Variants in NXPE2 observed in about 807,000 individuals in gnomAD.
The protein encoded by NXPE2 is NXPE family member 2.
Under a neutral mutation model 34.4 loss-of-function variants are expected in NXPE2, and 34 were observed. The observed-to-expected ratio is 0.99, with a 90% CI of 0.75 to 1.31. NXPE2 has a LOEUF of 1.31. NXPE2 is among the 40% of genes most tolerant of loss of function. NXPE2 has a pLI of 0.00. For synonymous variants in NXPE2, 235 were observed against 231.3 expected (o/e 1.02, Z -0.15); for missense variants, 649 against 672.5 (o/e 0.97, Z 0.39).
At chr11:114,717,690 T>C in the NXPE2 span, among the ~76,000 whole-genome samples, 1 of 152,216 alleles carries the variant, frequency 6.6e-6, no homozygotes, top group Admixed American at 6.5e-5. Flanking sequence ...GTGAATACAC[T>C]ACACAGTTCC....
chr11:114,671,050 A>T, the NXPE2 span, among the ~76,000 whole-genome samples: 343 of 148,060 alleles, frequency 2.3e-3, 1 homozygote, highest in Admixed American at 8.5e-3. Flanking sequence ...TATATATATA[A>T]AAATATAAAT....
At chr11:114,616,703 C>T in the NXPE2 span, among the ~76,000 whole-genome samples, 1 of 151,772 alleles carries the variant, frequency 6.6e-6, no homozygotes, top group East Asian at 1.9e-4. Context: ...TCTGAAACCA[C>T]TGTTACCCAG....
At chr11:114,646,111 A>G in the NXPE2 span, among the ~76,000 whole-genome samples, 1 of 152,000 alleles carries the variant, frequency 6.6e-6, no homozygotes. Flanking sequence ...ATTTCTTAAT[A>G]TGTTTTCTCA....
At chr11:114,508,792 A>T in the NXPE2 span, among the ~76,000 whole-genome samples, 1 of 152,232 alleles carries the variant, frequency 6.6e-6, no homozygotes, top group Non-Finnish European at 1.5e-5. Flanking sequence ...AACTATAAAA[A>T]CATTAGAAGA....
At chr11:114,769,838 C>T in the NXPE2 span, among the ~76,000 whole-genome samples, 11 of 152,136 alleles carry the variant, frequency 7.2e-5, no homozygotes, top group African/African-American at 2.7e-4. Context: ...GAAGGGATAA[C>T]ATTAGGAGAA....
In NXPE2 at chr11:114,678,747, A is replaced by G. The variant is rs77452963; in HGVS notation, c.26+146A>G. The G allele has an allele frequency of 1.1e-4, 69 of 623,062 alleles. No homozygotes were observed. The African/African-American group carries it at 1.2e-3, about 11-fold the overall frequency. The allele number at this position is 623,062 out of a possible 1,614,324, so 38.6% of individuals were successfully genotyped here. ...TTATTTGGGCATAAAAATACTTTTA[A>G]AATGGAATACAATTCAATGGAATAA... On this transcript the variant is annotated intron_variant, in intron 1 of 5. Coordinates refer to ENST00000389586, the MANE Select transcript of NXPE2 (RefSeq NM_182495.6).
the NXPE2 span, among the ~76,000 whole-genome samples, chr11:114,602,446 AT>A: frequency 2.2e-5 from 3 of 134,318 alleles, no homozygotes; most frequent in Non-Finnish European, 4.6e-5. Flanking sequence ...AATATATAAT[AT>A]ATATTATAAA....
the NXPE2 span, chr11:114,580,192 A>G: frequency 2.4e-5 from 39 of 1,613,966 alleles, no homozygotes; most frequent in Non-Finnish European, 3.1e-5. Context: ...CCCATTAGGT[A>G]TATGAGTTTT....
intron 2 of NXPE2, among the ~76,000 whole-genome samples, 197 bp downstream of exon 2, chr11:114,679,959 CATT>C (rs762262828): frequency 1.3e-5 from 2 of 152,136 alleles, no homozygotes; most frequent in Admixed American, 1.3e-4. Context: ...GCAATGTATA[CATT>C]ATTATTGTTT....
At chr11:114,681,157 C>T (rs888568629) in intron 2 of NXPE2, among the ~76,000 whole-genome samples, 8 of 152,030 alleles carry the variant, frequency 5.3e-5, no homozygotes, top group Non-Finnish European at 1.0e-4. Context: ...TTCTTTAGAC[C>T]GATACTTTGT....
chr11:114,583,264 G>C, the NXPE2 span: 1 of 659,030 alleles, frequency 1.5e-6, no homozygotes, highest in East Asian at 2.9e-5. Flanking sequence ...TGGCGCAAAG[G>C]CAGGGCACCA....
the NXPE2 span, among the ~76,000 whole-genome samples, chr11:114,631,824 G>T: frequency 2.0e-5 from 3 of 151,478 alleles, no homozygotes; most frequent in South Asian, 6.2e-4. Context: ...TGCCTCATGG[G>T]TAACCGATGT....
At chr11:114,676,734 A>G (rs1950862052), upstream of NXPE2, among the ~76,000 whole-genome samples, 1 of 152,104 alleles carries the variant, frequency 6.6e-6, no homozygotes, top group Non-Finnish European at 1.5e-5. Flanking sequence ...ATACTGTATG[A>G]TCCAGCAATC....
At chr11:114,795,897 T>A in the NXPE2 span, among the ~76,000 whole-genome samples, 3,030 of 152,268 alleles carry the variant, frequency 0.02, 42 homozygotes, top group Non-Finnish European at 0.031. Flanking sequence ...TCACCGTGGG[T>A]AGAGGAGGAA....
chr11:114,744,290 C>T, the NXPE2 span, among the ~76,000 whole-genome samples: 1 of 152,182 alleles, frequency 6.6e-6, no homozygotes, highest in Non-Finnish European at 1.5e-5. Context: ...ATATTTCAAT[C>T]TTAGCCTTTG....
At chr11:114,513,954 A>C in the NXPE2 span, among the ~76,000 whole-genome samples, 1 of 152,218 alleles carries the variant, frequency 6.6e-6, no homozygotes, top group South Asian at 2.1e-4. Flanking sequence ...GAAGTGTGGA[A>C]ATAAATTTCT....
the NXPE2 span, among the ~76,000 whole-genome samples, chr11:114,667,942 G>C: frequency 1.3e-5 from 2 of 151,882 alleles, no homozygotes; most frequent in Non-Finnish European, 2.9e-5. Context: ...CACAGCAGTA[G>C]ATAACTAATA....
chr11:114,711,022 G>A (rs547862278), downstream of NXPE2, among the ~76,000 whole-genome samples: 37 of 152,120 alleles, frequency 2.4e-4, no homozygotes, highest in Admixed American at 5.9e-4. Flanking sequence ...TGCAGAAAAA[G>A]CATTTGACAA....
the NXPE2 span, among the ~76,000 whole-genome samples, chr11:114,729,100 A>G: frequency 9.9e-5 from 15 of 151,776 alleles, no homozygotes; most frequent in Non-Finnish European, 2.1e-4. Context: ...AGTCCCCACT[A>G]TTGTTGCCAT....
Sources: gnomAD v4.1 joint callset for allele counts (sites outside exome capture counted in the v4.1 genomes callset) on GRCh38, gnomAD v4.1.1 for gene constraint, MANE v1.5 for transcripts, NCBI Gene and HGNC (gene_info 2026-07-23, HGNC 2026-07-21) for gene names.